PTPRR: variants seen among roughly 807,000 people sequenced by gnomAD.
The protein encoded by PTPRR is protein tyrosine phosphatase receptor type R, also known as receptor-type tyrosine-protein phosphatase R.
PTPRR carries 38 observed loss-of-function variants against 77.2 expected under a neutral mutation model. That is an observed-to-expected ratio of 0.49 (90% CI 0.38 to 0.65). The LOEUF (loss-of-function observed/expected upper bound fraction) is 0.65. Among genes scored for constraint, PTPRR ranks in the 30% least tolerant of loss-of-function variants. PTPRR has a pLI of 0.00. For missense variants in PTPRR, 744 were observed against 799.2 expected, an observed-to-expected ratio of 0.93 and a Z score of 0.83; for synonymous variants, 299 against 283.1, an observed-to-expected ratio of 1.06 and a Z score of -0.57.
intron 2 of PTPRR, among the ~76,000 whole-genome samples, chr12:70,803,418 T>C (rs1233429461): frequency 1.3e-5 from 2 of 152,132 alleles, no homozygotes; most frequent in Non-Finnish European, 2.9e-5. Flanking sequence ...AGTTGAATAC[T>C]AAATCTAAGT....
intron 2 of PTPRR, among the ~76,000 whole-genome samples, chr12:70,774,287 C>T (rs1050969514): frequency 6.6e-6 from 1 of 152,178 alleles, no homozygotes; most frequent in Non-Finnish European, 1.5e-5. Context: ...ATGCTGGGAA[C>T]CCACAAGCCC....
Position 70,660,933 on chromosome 12 carries a change from G to A in PTPRR, c.1766+7C>T, listed in dbSNP as rs765819359. ...TGCTTAGACAGAAAGGACCATACAC[G>A]TCTTACCTGCAGTGGACAACCACAG... is the stretch of plus-strand genomic sequence containing the variant. On this transcript the variant is annotated splice_region_variant and intron_variant, in intron 12 of 13. Coordinates refer to ENST00000283228, the MANE Select transcript of PTPRR (RefSeq NM_002849.4). The A allele has an allele frequency of 3.7e-5, 60 of 1,610,654 alleles. No homozygotes were observed. Among genetic ancestry groups the A allele is most frequent in the Non-Finnish European group, 4.5e-5 (53 of 1,178,582 alleles).
At chr12:70,913,278 T>G (rs528115985) in intron 1 of PTPRR, among the ~76,000 whole-genome samples, 1 of 152,266 alleles carries the variant, frequency 6.6e-6, no homozygotes, top group Admixed American at 6.5e-5. Context: ...AGAAAAAATG[T>G]ATACAACCAC....
intron 8 of PTPRR, among the ~76,000 whole-genome samples, chr12:70,685,287 G>A (rs771268457): frequency 5.9e-5 from 9 of 151,856 alleles, no homozygotes; most frequent in Admixed American, 3.9e-4. Context: ...AATCTATTAC[G>A]TGCTATCTGT....
At position 70,920,644 on chromosome 12, in the gene PTPRR, T is replaced by C; in HGVS notation, c.-254A>G. ...GAAGCGCTCAGAGGCGGCAAATGCC[T>C]GGCCTTCTGGACGCCCAGAAGCCAA... On this transcript the variant is annotated 5_prime_UTR_variant, in exon 1 of 14. Coordinates refer to ENST00000283228, the MANE Select transcript of PTPRR (RefSeq NM_002849.4). The C allele has an allele frequency of 4.9e-6, 2 of 405,374 alleles. No individual in the cohort carries two copies. Among genetic ancestry groups the C allele is most frequent in the Admixed American group, 3.5e-5 (1 of 28,696 alleles). The allele number at this position is 405,374 out of a possible 1,614,324, so 25.1% of individuals were successfully genotyped here.
At chr12:70,658,024 G>C (rs1214489425) in intron 12 of PTPRR, among the ~76,000 whole-genome samples, 5 of 152,138 alleles carry the variant, frequency 3.3e-5, no homozygotes, top group Admixed American at 6.5e-5. Context: ...AAAACCTATA[G>C]ATGGCTCCAT....
At chr12:70,702,385 G>A (rs2136786336) in intron 6 of PTPRR, among the ~76,000 whole-genome samples, 1 of 152,144 alleles carries the variant, frequency 6.6e-6, no homozygotes, top group South Asian at 2.1e-4. Flanking sequence ...CAAATATAGT[G>A]CCAAGCAGTT....
At chr12:70,820,403 G>A (rs778856509) in intron 2 of PTPRR, among the ~76,000 whole-genome samples, 14 of 151,934 alleles carry the variant, frequency 9.2e-5, no homozygotes, top group Non-Finnish European at 1.8e-4. Flanking sequence ...GCGCGATCTC[G>A]GCTCACTGCA....
chr12:70,866,843 T>G (rs1363558579), intron 2 of PTPRR, among the ~76,000 whole-genome samples: 2 of 151,992 alleles, frequency 1.3e-5, no homozygotes, highest in African/African-American at 4.8e-5. Context: ...CATGATCAAG[T>G]GGGCTTCATC....
At chr12:70,842,565 T>A (rs1892415042) in intron 2 of PTPRR, among the ~76,000 whole-genome samples, 1 of 152,218 alleles carries the variant, frequency 6.6e-6, no homozygotes, top group African/African-American at 2.4e-5. Context: ...CTGGCAGCTG[T>A]TGGCATTGTT....
At chr12:70,814,730 G>T (rs140424831) in intron 2 of PTPRR, among the ~76,000 whole-genome samples, 1 of 152,320 alleles carries the variant, frequency 6.6e-6, no homozygotes, top group East Asian at 1.9e-4. Context: ...CTTCTAGGCT[G>T]TAGTTTGACA....
At chr12:70,884,921 G>C (rs1161228440) in intron 2 of PTPRR, among the ~76,000 whole-genome samples, 1 of 146,078 alleles carries the variant, frequency 6.8e-6, no homozygotes. Flanking sequence ...AACATAAAGA[G>C]GAACAGCACT....
intron 2 of PTPRR, among the ~76,000 whole-genome samples, chr12:70,864,919 C>T (rs997118958): frequency 1.3e-5 from 2 of 152,172 alleles, no homozygotes; most frequent in Non-Finnish European, 2.9e-5. Context: ...TCAAGTGATT[C>T]TCCTGCCTTA....
rs1887766262 is a variant in PTPRR, at chr12:70,683,979, T to C, written c.1497+148A>G. The C allele has an allele frequency of 7.8e-6, 6 of 773,522 alleles. No individual in the cohort carries two copies. The East Asian group carries it at 1.7e-4, about 21-fold the overall frequency. 47.9% of individuals were successfully genotyped at this position (773,522 alleles called of 1,614,324 possible). A position where few individuals can be genotyped will look rare whatever the true frequency, so the allele number is the denominator to read the frequency against. On this transcript the variant is annotated intron_variant, in intron 10 of 13. Transcript: ENST00000283228. ...GACATTCATAGGATAATAGCACTTATTATATTTGGGATGTATTAAGTGACT... is the reference window on the plus strand; with the variant it reads ...GACATTCATAGGATAATAGCACTTACTATATTTGGGATGTATTAAGTGACT...
In PTPRR at chr12:70,899,993, C is replaced by T. The variant is rs911060452; in HGVS notation, c.59-7016G>A. Among the ~76,000 whole-genome samples, 64 of 151,296 alleles carry T rather than the reference C, an allele frequency of 4.2e-4. 2 individuals carry two copies. The highest frequency in any genetic ancestry group is 1.5e-5 in the Non-Finnish European group (1 of 67,570). On this transcript the variant is annotated intron_variant, in intron 1 of 13. Transcript: ENST00000283228. ...AACATGTGCAAGATACATATATATA[C>T]TGAAAACTATAAAATGTTGAACAAA...
At chr12:70,809,604 A>G (rs1297445618) in intron 2 of PTPRR, among the ~76,000 whole-genome samples, 2 of 152,144 alleles carry the variant, frequency 1.3e-5, no homozygotes, top group Non-Finnish European at 2.9e-5. Context: ...ACCAGATACA[A>G]TGTACTTGTC....
chr12:70,743,370 A>G (rs1175221977), intron 6 of PTPRR, among the ~76,000 whole-genome samples: 2 of 152,198 alleles, frequency 1.3e-5, no homozygotes, highest in African/African-American at 4.8e-5. Context: ...GGAGAAGAAC[A>G]ATGAGGCAGC....
In PTPRR at chr12:70,676,418, A is replaced by G. The variant is rs538797853; in HGVS notation, c.1497+7709T>C. 2.6e-5 allele frequency among the ~76,000 whole-genome samples: 4 copies of G among 152,072 alleles called. No homozygotes were observed. The South Asian group carries it at 8.3e-4, about 32-fold the overall frequency. ...TATGCTTTTTGTGCTTAATTATTTA[A>G]AAGAGTAGCCTACATTTATTATTTC... On this transcript the variant is annotated intron_variant, in intron 10 of 13. Coordinates refer to ENST00000283228, the MANE Select transcript of PTPRR (RefSeq NM_002849.4).
At chr12:70,801,244 A>G (rs966515207) in intron 2 of PTPRR, among the ~76,000 whole-genome samples, 1 of 152,192 alleles carries the variant, frequency 6.6e-6, no homozygotes, top group African/African-American at 2.4e-5. Context: ...GTCCATTGTC[A>G]TGGTTAATTT....
Sources: allele counts gnomAD v4.1 joint callset (sites outside exome capture counted in the v4.1 genomes callset), GRCh38; gene constraint gnomAD v4.1.1; transcripts MANE v1.5; gene names NCBI Gene and HGNC (gene_info 2026-07-23, HGNC 2026-07-21).